DSC1: variants seen among roughly 807,000 people sequenced by gnomAD.
DSC1 encodes desmocollin-1.
In DSC1, 79 loss-of-function variants were observed where a neutral mutation model predicts 98.8. That is an observed-to-expected ratio of 0.80 (90% confidence interval 0.67 to 0.96). DSC1 has a LOEUF of 0.96. Among genes scored for constraint, DSC1 ranks in the 50% least tolerant of loss-of-function variants. The pLI, the probability that DSC1 is intolerant of heterozygous loss-of-function variation, is 0.00. For missense variants in DSC1, 1,115 were observed against 1,075.9 expected (o/e 1.04, Z -0.51); for synonymous variants, 405 against 372.1 (o/e 1.09, Z -1.02).
At chr18:31,156,270 T>C in intron 3 of DSC1, 108 bp from the exon 4 acceptor site, 1 of 1,316,960 alleles carries the variant, frequency 7.6e-7, no homozygotes, top group South Asian at 1.4e-5. Context: ...CACATTACAA[T>C]ATCATGGCTA....
chr18:31,146,855 T>G (rs769877428), intron 6 of DSC1, among the ~76,000 whole-genome samples: 3 of 152,236 alleles, frequency 2.0e-5, no homozygotes, highest in Non-Finnish European at 4.4e-5. Flanking sequence ...TTAATAAATG[T>G]GATAAATTAT....
chr18:31,130,672 A>G lies in DSC1; in HGVS notation c.2527T>C (p.Cys843Arg), dbSNP rs777167532. Residue 843 changes from cysteine (C) to arginine (R), a missense_variant, in exon 16 of 16, where the codon TGT becomes CGT. Cys to Arg is a radical substitution (Grantham distance 180, BLOSUM62 -3). Transcript: ENST00000257198. ...TTATACGAACAAACGTAGTCTTCAC[A>G]ATGTTTATGCTCCTCATCTTGTCCA... is the stretch of plus-strand genomic sequence containing the variant. Reference protein sequence around the residue: ...LCGQDEEHKHCEDYVCSYNYE... With the variant: ...LCGQDEEHKHREDYVCSYNYE... The G allele has an allele frequency of 3.7e-6, 6 of 1,614,064 alleles. No homozygotes were observed. In the South Asian group the frequency reaches 5.5e-5, roughly 15 times the overall value.
chr18:31,133,814 A>T, intron 13 of DSC1, 77 bp downstream of exon 13: 1 of 1,429,726 alleles, frequency 7.0e-7, no homozygotes, highest in Non-Finnish European at 9.4e-7. Flanking sequence ...TATTAATATA[A>T]AAAACTTCCA....
chr18:31,153,747 G>C (rs551370252), intron 5 of DSC1, among the ~76,000 whole-genome samples: 55 of 152,142 alleles, frequency 3.6e-4, no homozygotes, highest in African/African-American at 1.3e-3. Flanking sequence ...ACTTCAGCCA[G>C]GGTTTGTTGT....
At chr18:31,131,934 C>CTA in intron 14 of DSC1, 92 bp from the exon 15 acceptor site, 6 of 1,402,582 alleles carry the variant, frequency 4.3e-6, no homozygotes, top group Non-Finnish European at 5.9e-6. Context: ...AATCACTTGC[C>CTA]TGCTGTGCCT....
intron 5 of DSC1, among the ~76,000 whole-genome samples, chr18:31,149,933 CTA>C (rs1159832331): frequency 1.3e-5 from 2 of 152,020 alleles, no homozygotes; most frequent in African/African-American, 4.8e-5. Context: ...AGTCTGATCT[CTA>C]TATCTTATTT....
chr18:31,131,818 G>T lies in DSC1; in HGVS notation c.2263C>A (p.Gln755Lys), dbSNP rs370364500. The change falls in exon 15 of 16, where the codon CAG becomes AAG. Residue 755 changes from glutamine (Q) to lysine (K), a missense_variant. Physicochemically the swap from Gln to Lys is moderately conservative, Grantham distance 53. Transcript: ENST00000257198. ...CTTGTGTCACAAATGTTGGATGTCT[G>T]CATGGGGAGTCTAATATTTGCTTCC... ...VTEANIRLPM[Q>K]TSNICDTSMS... 6.2e-7 allele frequency: 1 copy of T among 1,613,926 alleles called. No individual in the cohort carries two copies. The highest frequency in any genetic ancestry group is 8.5e-7 in the Non-Finnish European group (1 of 1,179,966).
At chr18:31,141,879 T>C (rs1988743970) in intron 9 of DSC1, 120 bp downstream of exon 9, 1 of 947,382 alleles carries the variant, frequency 1.1e-6, no homozygotes, top group Non-Finnish European at 1.5e-6. Context: ...TATAAACCAA[T>C]ATAAATCATT....
chr18:31,141,838 A>G (rs964724307), intron 9 of DSC1, among the ~76,000 whole-genome samples, 161 bp downstream of exon 9: 1 of 152,208 alleles, frequency 6.6e-6, no homozygotes. Context: ...AGAGAAAATT[A>G]GGGTAAGAGA....
At chr18:31,147,153 A>ATT (rs56408436) in intron 6 of DSC1, among the ~76,000 whole-genome samples, 60,846 of 150,384 alleles carry the variant, frequency 0.4, 12,496 homozygotes, top group Non-Finnish European at 0.44. Flanking sequence ...AATCAGTTTA[A>ATT]TTTTTTTTTT....
At chr18:31,138,693 A>T (rs1012600428) in intron 11 of DSC1, among the ~76,000 whole-genome samples, 38 of 152,066 alleles carry the variant, frequency 2.5e-4, no homozygotes, top group African/African-American at 8.9e-4. Context: ...TTACCATGGA[A>T]TTTCATATGT....
At chr18:31,148,141 A>G (rs1988885633) in intron 6 of DSC1, among the ~76,000 whole-genome samples, 1 of 152,212 alleles carries the variant, frequency 6.6e-6, no homozygotes, top group Non-Finnish European at 1.5e-5. Flanking sequence ...CCTTCACTCC[A>G]GACTTTCTAA....
intron 7 of DSC1, among the ~76,000 whole-genome samples, chr18:31,144,392 G>T (rs1386732788): frequency 6.6e-6 from 1 of 152,018 alleles, no homozygotes; most frequent in Non-Finnish European, 1.5e-5. Flanking sequence ...AAATAAACTG[G>T]TACATCCAGA....
At chr18:31,143,597 T>G (rs1181395211) in intron 8 of DSC1, 60 bp downstream of exon 8, 2 of 1,361,036 alleles carry the variant, frequency 1.5e-6, no homozygotes, top group East Asian at 2.6e-5. Context: ...TACCAAATTC[T>G]AGACATGTTT....
rs371421846 is a variant in DSC1, at chr18:31,162,517, T to G, written c.63+15A>C. On this transcript the variant is annotated intron_variant, in intron 1 of 15. Coordinates refer to ENST00000257198, the MANE Select transcript of DSC1 (RefSeq NM_024421.2). ...TAACATGCTTGAATTCCCTAATCCT[T>G]TGGTTGTTACTCACCAGGAGAGAGA... is the stretch of plus-strand genomic sequence containing the variant. 8.7e-6 allele frequency: 14 copies of G among 1,613,462 alleles called. No homozygotes were observed. In the African/African-American group the frequency reaches 1.7e-4, roughly 20 times the overall value.
chr18:31,133,306 A>G (rs1037212644), intron 13 of DSC1, among the ~76,000 whole-genome samples: 2 of 152,146 alleles, frequency 1.3e-5, no homozygotes, highest in South Asian at 2.1e-4. Flanking sequence ...AGCGTGGGCA[A>G]TATTTCTATT....
rs1988494253 is a variant in DSC1, at chr18:31,131,697, C to T, written c.2384G>A (p.Gly795Asp). ...GGYTLDSNKG[G>D]GHQTLESVKG... Reference sequence around the variant, plus strand: ...GACGGACTCCAAGGTCTGATGTCCACCTCCTTTGTTGGAATCCAAAGTGTA... The same window carrying T: ...GACGGACTCCAAGGTCTGATGTCCATCTCCTTTGTTGGAATCCAAAGTGTA... The change falls in exon 15 of 16, where the codon GGT becomes GAT. Residue 795 changes from glycine (G) to aspartate (D), a missense_variant. By Grantham distance (94) the Gly-to-Asp change is moderately conservative. Coordinates refer to ENST00000257198, the MANE Select transcript of DSC1 (RefSeq NM_024421.2). 1 of 1,614,118 alleles carries T rather than the reference C, an allele frequency of 6.2e-7. No individual in the cohort carries two copies.
At position 31,154,807 on chromosome 18, in the gene DSC1, C is replaced by G; in HGVS notation, c.594G>C (p.Arg198Ser). ...GTTCATATTTCTCACGGTCAATGCT[C>G]CTTGTACAAAAGATATCCCCAGTGT... ...EKDTGDIFCT[R>S]SIDREKYEQF... The change falls in exon 5 of 16, where the codon AGG becomes AGC. Residue 198 changes from arginine (R) to serine (S), a missense_variant. By Grantham distance (110) the Arg-to-Ser change is moderately radical. Coordinates refer to ENST00000257198, the MANE Select transcript of DSC1 (RefSeq NM_024421.2). 6.2e-7 allele frequency: 1 copy of G among 1,613,750 alleles called. No individual in the cohort carries two copies. Among genetic ancestry groups the G allele is most frequent in the Admixed American group, 1.7e-5 (1 of 59,980 alleles).
intron 11 of DSC1, among the ~76,000 whole-genome samples, chr18:31,135,556 A>C (rs926703616): frequency 5.9e-5 from 9 of 152,152 alleles, no homozygotes; most frequent in Non-Finnish European, 1.3e-4. Flanking sequence ...AAAACATTTA[A>C]TTGAATAAGC....
Sources: allele counts gnomAD v4.1 joint callset (sites outside exome capture counted in the v4.1 genomes callset), GRCh38; gene constraint gnomAD v4.1.1; transcripts MANE v1.5; gene names NCBI Gene and HGNC (gene_info 2026-07-23, HGNC 2026-07-21).